The following IKZF3 variants were observed in gnomAD, a reference collection of about 807,000 sequenced individuals.
IKZF3 encodes the protein zinc finger protein Aiolos.
A neutral mutation model predicts 49.0 loss-of-function variants in IKZF3; 10 were observed. The ratio of observed to expected loss-of-function variants is 0.20; its 90% CI spans 0.13 to 0.35. IKZF3 has a LOEUF of 0.35. Ranked by LOEUF, IKZF3 falls within the 10% of genes least tolerant of loss-of-function variation. IKZF3 has a pLI of 1.00. For missense variants in IKZF3, 498 were observed against 664.8 expected (o/e 0.75, Z 2.76); for synonymous variants, 209 against 228.2 (o/e 0.92, Z 0.76).
intron 3 of IKZF3, among the ~76,000 whole-genome samples, chr17:39,823,297 T>C (rs556785834): frequency 2.6e-5 from 4 of 152,282 alleles, no homozygotes; most frequent in East Asian, 1.9e-4. Flanking sequence ...TAGAGATCTA[T>C]GGAACTTTGA....
chr17:39,776,863 G>T (rs1292816121), intron 7 of IKZF3, among the ~76,000 whole-genome samples: 1 of 152,204 alleles, frequency 6.6e-6, no homozygotes, highest in Non-Finnish European at 1.5e-5. Flanking sequence ...GTTGAGGGAG[G>T]TCTATTTTCA....
intron 5 of IKZF3, among the ~76,000 whole-genome samples, 176 bp from the exon 6 acceptor site, chr17:39,788,550 T>C (rs1400128919): frequency 6.6e-6 from 1 of 152,226 alleles, no homozygotes; most frequent in African/African-American, 2.4e-5. Flanking sequence ...TTATGGTCTA[T>C]GATTAATTAT....
At chr17:39,807,164 G>A (rs1432322469) in intron 3 of IKZF3, among the ~76,000 whole-genome samples, 1 of 152,142 alleles carries the variant, frequency 6.6e-6, no homozygotes, top group Non-Finnish European at 1.5e-5. Flanking sequence ...GCTAGGGTTT[G>A]GGGTCATTTG....
intron 1 of IKZF3, among the ~76,000 whole-genome samples, chr17:39,838,193 A>AT (rs1256139539): frequency 1.3e-5 from 2 of 151,958 alleles, no homozygotes; most frequent in Non-Finnish European, 1.5e-5. Flanking sequence ...TTCTTCAAAT[A>AT]TTTTTTCTGT....
chr17:39,796,542 C>CTTT (rs1224946640), intron 3 of IKZF3, among the ~76,000 whole-genome samples: 3 of 135,040 alleles, frequency 2.2e-5, no homozygotes, highest in East Asian at 2.1e-4. Flanking sequence ...ACATTCCTTT[C>CTTT]TTTTTTTTTT....
chr17:39,839,502 C>G (rs1410997313), intron 1 of IKZF3: 4 of 567,126 alleles, frequency 7.1e-6, no homozygotes, highest in Non-Finnish European at 1.4e-5. Flanking sequence ...TCACTTAATC[C>G]TGAAAGTCTT....
Position 39,792,927 on chromosome 17 carries a change from G to T in IKZF3, c.170C>A (p.Ser57Ter). 2 of 1,612,720 alleles carry T rather than the reference G, an allele frequency of 1.2e-6. No individual in the cohort carries two copies. Among genetic ancestry groups the T allele is most frequent in the South Asian group, 1.1e-5 (1 of 90,982 alleles). ...ACTGTATTCATCTTTCACTTTCATT[G>T]AATCATCTGCAGGGAAGAAAATGCA... ...ANEDEDIGDD[S>*]MKVKDEYSER... The change falls in exon 4 of 8, where the codon TCA (serine) becomes TAA (stop). Residue 57 changes from serine (S) to a stop codon, truncating the protein, a stop_gained. Transcript: ENST00000346872. LOFTEE classifies it high-confidence loss of function.
intron 3 of IKZF3, among the ~76,000 whole-genome samples, chr17:39,793,754 G>A (rs1414422386): frequency 1.3e-5 from 2 of 152,112 alleles, no homozygotes; most frequent in Admixed American, 1.3e-4. Context: ...AAGTGAGTTG[G>A]CTGACCAAGT....
In IKZF3 at chr17:39,792,911, A is replaced by G. The variant is rs1420017083; in HGVS notation, c.186T>C (p.Asp62=). The part of the protein sequence containing the change: ...DIGDDSMKVK[D]EYSERDENVL... ...CATTCTCATCTCTTTCACTGTATTC[A>G]TCTTTCACTTTCATTGAATCATCTG... Residue 62 remains aspartate, a synonymous_variant, in exon 4 of 8, where the codon GAT becomes GAC. Transcript: ENST00000346872. 1.9e-6 allele frequency: 3 copies of G among 1,613,632 alleles called. No individual in the cohort carries two copies. Among genetic ancestry groups the G allele is most frequent in the Non-Finnish European group, 2.5e-6 (3 of 1,179,874 alleles).
chr17:39,798,771 C>G (rs1316485418), intron 3 of IKZF3, among the ~76,000 whole-genome samples: 1 of 152,148 alleles, frequency 6.6e-6, no homozygotes, highest in African/African-American at 2.4e-5. Flanking sequence ...TCCCAAAGTG[C>G]TGGGATTACA....
At chr17:39,853,970 T>A (rs1445179909) in intron 1 of IKZF3, among the ~76,000 whole-genome samples, 3 of 151,136 alleles carry the variant, frequency 2.0e-5, no homozygotes, top group African/African-American at 7.3e-5. Flanking sequence ...CTACTAAAAA[T>A]ACAAAATTAG....
chr17:39,827,924 C>T (rs2144270256), intron 3 of IKZF3, among the ~76,000 whole-genome samples: 2 of 152,268 alleles, frequency 1.3e-5, no homozygotes, highest in South Asian at 4.2e-4. Context: ...GGGAGTGTTC[C>T]CACTAGGTAG....
intron 5 of IKZF3, 73 bp downstream of exon 5, chr17:39,791,343 C>T: frequency 6.7e-7 from 1 of 1,500,924 alleles, no homozygotes; most frequent in South Asian, 1.2e-5. Flanking sequence ...TCCTACTTAA[C>T]TCTTTCTAGT....
At chr17:39,834,303 G>A (rs1008132529) in intron 1 of IKZF3, among the ~76,000 whole-genome samples, 1 of 152,150 alleles carries the variant, frequency 6.6e-6, no homozygotes, top group Admixed American at 6.6e-5. Flanking sequence ...TCTACTTTGG[G>A]CTTAACTTAC....
At position 39,766,389 on chromosome 17, in the gene IKZF3, C is replaced by T. The variant is rs748075678; in HGVS notation, c.931G>A (p.Ala311Thr). The stretch of plus-strand genomic sequence containing the variant: ...GCTTCGGCGCCAAGATAGCTGATGG[C>T]GTTATTGATGGCTTGGTCCATCATG... ...TRMMDQAINN[A>T]ISYLGAEALR... Residue 311 changes from alanine to threonine, a missense_variant, in exon 8 of 8, where the codon GCC (alanine) becomes ACC (threonine). This residue lies in a region of IKZF3 where 317 missense variants were observed against 397.3 expected (regional missense o/e 0.80). Transcript: ENST00000346872. The T allele has an allele frequency of 2.2e-5, 35 of 1,614,150 alleles. No homozygotes were observed. The highest frequency in any genetic ancestry group is 1.0e-4 in the Admixed American group (6 of 60,024).
chr17:39,783,890 C>T (rs2143796751), intron 6 of IKZF3, among the ~76,000 whole-genome samples: 1 of 152,230 alleles, frequency 6.6e-6, no homozygotes, highest in African/African-American at 2.4e-5. Flanking sequence ...GATCGTGCCA[C>T]TGCACTCCAG....
At chr17:39,817,820 G>A (rs2061711296) in intron 3 of IKZF3, among the ~76,000 whole-genome samples, 1 of 152,196 alleles carries the variant, frequency 6.6e-6, no homozygotes. Context: ...TTAAGTGCCA[G>A]TGTTAATAGT....
intron 3 of IKZF3, among the ~76,000 whole-genome samples, chr17:39,828,964 G>T (rs1234743374): frequency 6.6e-6 from 1 of 152,004 alleles, no homozygotes; most frequent in East Asian, 1.9e-4. Flanking sequence ...TTGCGCCACT[G>T]CACTCTGGCC....
chr17:39,855,512 T>G (rs1005556958), intron 1 of IKZF3, among the ~76,000 whole-genome samples: 7 of 152,336 alleles, frequency 4.6e-5, no homozygotes, highest in African/African-American at 1.7e-4. Context: ...AAGTCCATAC[T>G]AGGTCATTGA....
Sources: allele counts gnomAD v4.1 joint callset (sites outside exome capture counted in the v4.1 genomes callset), GRCh38; gene constraint gnomAD v4.1.1; regional missense constraint gnomAD v4.1.1; transcripts MANE v1.5; gene names NCBI Gene and HGNC (gene_info 2026-07-23, HGNC 2026-07-21).